RBFOX1: variants seen among roughly 807,000 people sequenced by gnomAD.
RBFOX1 encodes the protein RNA binding protein fox-1 homolog 1.
In RBFOX1, 8 loss-of-function variants were observed where a neutral mutation model predicts 57.7. The ratio of observed to expected loss-of-function variants is 0.14; its 90% CI spans 0.08 to 0.25. The LOEUF is 0.25. Ranked by LOEUF, RBFOX1 falls within the 10% of genes least tolerant of loss-of-function variation. RBFOX1 has a pLI of 1.00. For synonymous variants in RBFOX1, 326 were observed against 222.4 expected (o/e 1.47, Z -4.15); for missense variants, 611 against 548.5 (o/e 1.11, Z -1.14).
At chr16:5,887,568 A>G (rs2057930344) in intron 4 of RBFOX1, among the ~76,000 whole-genome samples, 1 of 151,372 alleles carries the variant, frequency 6.6e-6, no homozygotes, top group Non-Finnish European at 1.5e-5. Flanking sequence ...CGCCTGGATA[A>G]TTTTTTTTTC....
At chr16:7,090,061 C>G (rs1212115484) in intron 4 of RBFOX1, among the ~76,000 whole-genome samples, 1 of 152,118 alleles carries the variant, frequency 6.6e-6, no homozygotes, top group Non-Finnish European at 1.5e-5. Flanking sequence ...AGAGGTTCTG[C>G]TCTTGCCTTC....
intron 4 of RBFOX1, among the ~76,000 whole-genome samples, chr16:7,421,019 A>C (rs569982942): frequency 4.9e-4 from 75 of 151,684 alleles, no homozygotes; most frequent in African/African-American, 1.7e-3. Flanking sequence ...GGGAGGCGAA[A>C]TTGTGACGCC....
chr16:6,604,780 T>C (rs1049049127), intron 2 of RBFOX1, among the ~76,000 whole-genome samples: 1 of 152,288 alleles, frequency 6.6e-6, no homozygotes. Context: ...TATAATTCTT[T>C]CTTTCTTACC....
At chr16:7,460,384 T>C (rs2059327201) in intron 4 of RBFOX1, among the ~76,000 whole-genome samples, 1 of 90,430 alleles carries the variant, frequency 1.1e-5, no homozygotes, top group African/African-American at 5.4e-5. Context: ...TATATATATA[T>C]ATATATGTGT....
intron 2 of RBFOX1, among the ~76,000 whole-genome samples, chr16:6,478,412 T>C (rs1391794411): frequency 6.6e-4 from 16 of 24,062 alleles, no homozygotes; most frequent in African/African-American, 3.6e-3. Flanking sequence ...TATATATATA[T>C]ATATATATAT....
At chr16:7,709,393 T>G (rs2083524175) in intron 15 of RBFOX1, 1 of 1,250,112 alleles carries the variant, frequency 8.0e-7, no homozygotes, top group Admixed American at 3.3e-5. Flanking sequence ...ATGGAATAAT[T>G]AGTCATTTTG....
intron 1 of RBFOX1, among the ~76,000 whole-genome samples, chr16:6,212,123 G>T (rs887805064): frequency 1.3e-5 from 2 of 152,046 alleles, no homozygotes; most frequent in East Asian, 3.9e-4. Flanking sequence ...CTCCCAATGT[G>T]TTGAGATTAC....
At chr16:6,794,938 A>G (rs2083671687) in intron 3 of RBFOX1, among the ~76,000 whole-genome samples, 1 of 152,110 alleles carries the variant, frequency 6.6e-6, no homozygotes, top group African/African-American at 2.4e-5. Context: ...TGAGACCTCA[A>G]ATATTGAGTA....
In RBFOX1 at chr16:5,955,286, TAA is replaced by T. The variant is rs1191504224; in HGVS notation, c.351+87954_351+87955del. On this transcript the variant is annotated intron_variant, in intron 4 of 19. Coordinates refer to the RBFOX1 transcript ENST00000641259. ...ACAAGAGTGAGACTCTGTCTCCCAA[TAA>T]AATAAAATAAAATAAAATAAAATAA... Among the ~76,000 whole-genome samples, 80 of 23,538 alleles carry T rather than the reference TAA, an allele frequency of 3.4e-3. 2 individuals carry two copies. The highest frequency in any genetic ancestry group is 0.019 in the African/African-American group (65 of 3,478). 15.4% of individuals were successfully genotyped at this position (23,538 alleles called of 152,430 possible).
chr16:6,085,374 G>C (rs906881467), intron 1 of RBFOX1, among the ~76,000 whole-genome samples: 16 of 152,212 alleles, frequency 1.1e-4, no homozygotes, highest in African/African-American at 3.9e-4. Flanking sequence ...GCGGGTTCAA[G>C]CGATTCTCCT....
chr16:5,738,477 C>T (rs1053808020), intron 3 of RBFOX1, among the ~76,000 whole-genome samples: 2 of 151,234 alleles, frequency 1.3e-5, no homozygotes, highest in African/African-American at 4.9e-5. Flanking sequence ...GCTAAAAATA[C>T]AAAAAAATTA....
At chr16:6,767,210 T>G (rs1047403897) in intron 3 of RBFOX1, among the ~76,000 whole-genome samples, 8 of 152,060 alleles carry the variant, frequency 5.3e-5, no homozygotes, top group Non-Finnish European at 1.5e-5. Flanking sequence ...CCAGCTGGCA[T>G]AACTCCAATT....
At position 6,110,195 on chromosome 16, in the gene RBFOX1, C is replaced by CCTT. The variant is rs5815284; in HGVS notation, c.-127+90203_-127+90204insCTT. On this transcript the variant is annotated intron_variant, in intron 1 of 15. Coordinates refer to ENST00000550418, the MANE Select transcript of RBFOX1 (RefSeq NM_018723.4). ...TTTTGGTTTTCTGTATTTTCTTCTT[C>CCTT]TTTTTTTTTTTTTTTTAGTTCATTA... Among the ~76,000 whole-genome samples, 53 of 128,236 alleles carry CCTT rather than the reference C, an allele frequency of 4.1e-4. 2 individuals carry two copies. Among genetic ancestry groups the CCTT allele is most frequent in the African/African-American group, 1.5e-3 (50 of 34,192 alleles). 84.1% of individuals were successfully genotyped at this position (128,236 alleles called of 152,430 possible).
At chr16:5,673,046 G>A (rs1411494319) in intron 3 of RBFOX1, among the ~76,000 whole-genome samples, 4 of 152,054 alleles carry the variant, frequency 2.6e-5, no homozygotes, top group Admixed American at 6.6e-5. Context: ...TGGTGGAAGC[G>A]CCTCCACCCG....
intron 4 of RBFOX1, among the ~76,000 whole-genome samples, chr16:7,131,460 G>A (rs977750792): frequency 4.0e-5 from 6 of 148,792 alleles, no homozygotes; most frequent in African/African-American, 1.0e-4. Flanking sequence ...CTTCTGCTCC[G>A]GTAGGTTTCA....
At chr16:5,728,061 G>C (rs1037542052) in intron 3 of RBFOX1, among the ~76,000 whole-genome samples, 1 of 152,148 alleles carries the variant, frequency 6.6e-6, no homozygotes, top group Non-Finnish European at 1.5e-5. Flanking sequence ...TTGTCTTTCT[G>C]TTATCTGGCT....
chr16:6,939,684 G>T (rs1265230526), intron 3 of RBFOX1, among the ~76,000 whole-genome samples: 1 of 151,718 alleles, frequency 6.6e-6, no homozygotes, highest in Non-Finnish European at 1.5e-5. Context: ...GCTAATTTTT[G>T]TATCTTTGGT....
intron 3 of RBFOX1, among the ~76,000 whole-genome samples, chr16:6,974,088 C>G (rs1265877699): frequency 6.6e-6 from 1 of 152,074 alleles, no homozygotes; most frequent in South Asian, 2.1e-4. Flanking sequence ...GCATCCATGT[C>G]CCTGCAAAGG....
intron 1 of RBFOX1, among the ~76,000 whole-genome samples, chr16:6,177,814 A>C (rs1204726916): frequency 3.3e-5 from 5 of 151,934 alleles, no homozygotes; most frequent in African/African-American, 1.2e-4. Context: ...CTCACAGGCA[A>C]AATTGATTGT....
Sources: allele counts gnomAD v4.1 joint callset (sites outside exome capture counted in the v4.1 genomes callset), GRCh38; gene constraint gnomAD v4.1.1; transcripts MANE v1.5; gene names NCBI Gene and HGNC (gene_info 2026-07-23, HGNC 2026-07-21).